CEP70: variants seen among roughly 807,000 people sequenced by gnomAD.
The protein encoded by CEP70 is centrosomal protein of 70 kDa.
Under a neutral mutation model 90.9 loss-of-function variants are expected in CEP70, and 70 were observed. The ratio of observed to expected loss-of-function variants is 0.77; its 90% CI spans 0.64 to 0.94. The LOEUF (loss-of-function observed/expected upper bound fraction) is 0.94, where lower values mean the gene tolerates loss of function less well. Among genes scored for constraint, CEP70 ranks in the 40% least tolerant of loss-of-function variants. CEP70 has a pLI of 0.00. For synonymous variants in CEP70, 220 were observed against 228.3 expected, an observed-to-expected ratio of 0.96 and a Z score of 0.33; for missense variants, 648 against 669.0, an observed-to-expected ratio of 0.97 and a Z score of 0.35.
At chr3:138,588,892 C>A (rs920358373) in intron 2 of CEP70, among the ~76,000 whole-genome samples, 2 of 152,098 alleles carry the variant, frequency 1.3e-5, no homozygotes, top group Non-Finnish European at 2.9e-5. Context: ...ATGGAATACC[C>A]CTCAGCAATA....
chr3:138,556,236 A>G (rs182938055), intron 6 of CEP70, among the ~76,000 whole-genome samples: 10 of 152,184 alleles, frequency 6.6e-5, no homozygotes, highest in Admixed American at 3.9e-4. Flanking sequence ...AAGGCATGAG[A>G]AAGATACAAC....
At chr3:138,512,939 G>A (rs1020573836) in intron 11 of CEP70, among the ~76,000 whole-genome samples, 4 of 152,154 alleles carry the variant, frequency 2.6e-5, no homozygotes, top group Admixed American at 1.3e-4. Context: ...ACTGTTCCCC[G>A]AGTCTTTTAC....
At chr3:138,550,253 A>G (rs963754130) in intron 6 of CEP70, among the ~76,000 whole-genome samples, 6 of 152,250 alleles carry the variant, frequency 3.9e-5, no homozygotes, top group African/African-American at 1.4e-4. Flanking sequence ...GGTGATTATT[A>G]AGCTAATCAA....
chr3:138,496,645 T>C, intron 17 of CEP70: 4 of 985,370 alleles, frequency 4.1e-6, no homozygotes, highest in Non-Finnish European at 4.8e-6. Flanking sequence ...CTAAAGGTAC[T>C]CTCCATGTCT....
At chr3:138,523,405 T>C (rs1294876186) in intron 11 of CEP70, among the ~76,000 whole-genome samples, 3 of 151,980 alleles carry the variant, frequency 2.0e-5, no homozygotes, top group East Asian at 1.9e-4. Flanking sequence ...AAATAAAGGG[T>C]ATTCAATTAG....
intron 7 of CEP70, among the ~76,000 whole-genome samples, chr3:138,533,426 AAAAG>A (rs745584203): frequency 3.3e-5 from 5 of 152,254 alleles, no homozygotes; most frequent in Non-Finnish European, 7.3e-5. Context: ...GTCTAAAAAG[AAAAG>A]AAAAAAGTTA....
intron 2 of CEP70, among the ~76,000 whole-genome samples, chr3:138,585,244 CCAA>C (rs1333181118): frequency 6.6e-6 from 1 of 152,054 alleles, no homozygotes; most frequent in African/African-American, 2.4e-5. Flanking sequence ...TTTCTATAAA[CCAA>C]CAAGGACAAT....
chr3:138,519,350 C>T (rs535695889), intron 11 of CEP70, among the ~76,000 whole-genome samples: 34 of 152,114 alleles, frequency 2.2e-4, no homozygotes, highest in African/African-American at 6.3e-4. Context: ...AGATACTCCT[C>T]GAGAAGAGCA....
chr3:138,548,745 G>A (rs2039403104), intron 6 of CEP70, among the ~76,000 whole-genome samples: 1 of 152,190 alleles, frequency 6.6e-6, no homozygotes, highest in Admixed American at 6.5e-5. Flanking sequence ...AGAGCAGTGG[G>A]TGGAGACTCA....
intron 13 of CEP70, among the ~76,000 whole-genome samples, 169 bp from the exon 14 acceptor site, chr3:138,501,050 T>A (rs529893769): frequency 1.2e-4 from 18 of 151,874 alleles, no homozygotes; most frequent in East Asian, 7.7e-4. Flanking sequence ...TCATTTTTTT[T>A]AAATAAAAAT....
intron 6 of CEP70, among the ~76,000 whole-genome samples, chr3:138,560,378 A>T (rs1650892491): frequency 6.6e-6 from 1 of 152,058 alleles, no homozygotes; most frequent in African/African-American, 2.4e-5. Flanking sequence ...AGACCGGAAG[A>T]TTCCCTCCAG....
At chr3:138,520,617 G>A (rs1467453001) in intron 11 of CEP70, among the ~76,000 whole-genome samples, 2 of 152,180 alleles carry the variant, frequency 1.3e-5, no homozygotes, top group Non-Finnish European at 2.9e-5. Context: ...CAGAAATAAA[G>A]ATGTTCTTTG....
At chr3:138,566,820 A>T (rs142726995) in intron 6 of CEP70, among the ~76,000 whole-genome samples, 3,432 of 147,064 alleles carry the variant, frequency 0.023, 73 homozygotes, top group South Asian at 0.071. Context: ...TATATATATA[A>T]AAAAAAAACT....
At chr3:138,495,114 T>C in intron 17 of CEP70, 38 bp from the exon 18 acceptor site, 2 of 1,253,466 alleles carry the variant, frequency 1.6e-6, no homozygotes, top group South Asian at 1.3e-5. Context: ...AGAGAGTAAC[T>C]TTTTCTAGTG....
At chr3:138,562,964 C>T (rs191426822) in intron 6 of CEP70, among the ~76,000 whole-genome samples, 58 of 151,980 alleles carry the variant, frequency 3.8e-4, no homozygotes, top group African/African-American at 1.4e-3. Context: ...ACCCATCTCA[C>T]TTGCAAAGAT....
intron 11 of CEP70, among the ~76,000 whole-genome samples, chr3:138,522,452 A>G (rs1163062607): frequency 2.0e-5 from 3 of 152,128 alleles, no homozygotes; most frequent in African/African-American, 7.2e-5. Context: ...TTTTGAAAAG[A>G]TCAACAAAAT....
At chr3:138,545,454 C>T (rs2039110373) in intron 6 of CEP70, among the ~76,000 whole-genome samples, 1 of 152,124 alleles carries the variant, frequency 6.6e-6, no homozygotes, top group Non-Finnish European at 1.5e-5. Context: ...TATGTCACCT[C>T]AGGACCACTA....
At chr3:138,498,765 A>G (rs1299150508) in intron 16 of CEP70, among the ~76,000 whole-genome samples, 2 of 151,970 alleles carry the variant, frequency 1.3e-5, no homozygotes, top group Admixed American at 1.3e-4. Context: ...AAAAAATATC[A>G]GGCTGGGCAC....
intron 6 of CEP70, among the ~76,000 whole-genome samples, chr3:138,549,673 G>T (rs867979084): frequency 6.6e-5 from 10 of 152,150 alleles, no homozygotes; most frequent in Non-Finnish European, 1.3e-4. Context: ...GGAGTTCTAG[G>T]GCCCTGCCTA....
Sources: gnomAD v4.1 joint callset for allele counts (sites outside exome capture counted in the v4.1 genomes callset) on GRCh38, gnomAD v4.1.1 for gene constraint, MANE v1.5 for transcripts, NCBI Gene and HGNC (gene_info 2026-07-23, HGNC 2026-07-21) for gene names.